Variants in BCKDHB observed in about 807,000 individuals in gnomAD.
BCKDHB encodes the protein branched chain keto acid dehydrogenase E1 subunit beta.
In BCKDHB, 41 loss-of-function variants were observed where a neutral mutation model predicts 48.5. The observed-to-expected ratio is 0.85, with a 90% CI of 0.66 to 1.10. BCKDHB has a LOEUF of 1.10. BCKDHB is among the 50% of genes least tolerant of loss of function. BCKDHB has a pLI of 0.00. For synonymous variants in BCKDHB, 201 were observed against 174.8 expected, an observed-to-expected ratio of 1.15 and a Z score of -1.18; for missense variants, 496 against 494.2, an observed-to-expected ratio of 1.00 and a Z score of -0.03.
chr6:80,393,287 C>G, the BCKDHB span, among the ~76,000 whole-genome samples: 1 of 152,138 alleles, frequency 6.6e-6, no homozygotes, highest in Non-Finnish European at 1.5e-5. Flanking sequence ...GTGACCTCTA[C>G]TATGATATGA....
At chr6:80,214,575 T>C (rs1775082267) in intron 8 of BCKDHB, among the ~76,000 whole-genome samples, 1 of 152,076 alleles carries the variant, frequency 6.6e-6, no homozygotes, top group Admixed American at 6.6e-5. Flanking sequence ...AGTTGAGGGG[T>C]TGGGATGGAA....
At chr6:80,193,656 A>T (rs1774004014) in intron 6 of BCKDHB, among the ~76,000 whole-genome samples, 1 of 148,100 alleles carries the variant, frequency 6.8e-6, no homozygotes, top group Non-Finnish European at 1.5e-5. Context: ...GGAGGTGGAG[A>T]TTGCAGTGAG....
chr6:80,171,423 A>G (rs372053978), intron 6 of BCKDHB, 33 bp downstream of exon 6: 61 of 1,297,194 alleles, frequency 4.7e-5, no homozygotes, highest in Non-Finnish European at 6.3e-5. Flanking sequence ...ATTTGTGAAT[A>G]TCTTTATATA....
intron 8 of BCKDHB, among the ~76,000 whole-genome samples, chr6:80,220,520 A>G (rs115652058): frequency 1.4e-5 from 2 of 144,296 alleles, no homozygotes; most frequent in African/African-American, 5.1e-5. Context: ...AGGCTTTTCC[A>G]CTATGGAAAA....
intron 9 of BCKDHB, among the ~76,000 whole-genome samples, chr6:80,295,398 G>A (rs989954645): frequency 6.6e-6 from 1 of 151,806 alleles, no homozygotes; most frequent in Non-Finnish European, 1.5e-5. Flanking sequence ...TGTGTACAGG[G>A]GATCTCCCCT....
intron 9 of BCKDHB, among the ~76,000 whole-genome samples, chr6:80,301,563 A>T (rs1767582205): frequency 1.3e-5 from 2 of 152,176 alleles, no homozygotes; most frequent in Admixed American, 1.3e-4. Flanking sequence ...TTCACAGTCA[A>T]ATTCTACCAG....
intron 8 of BCKDHB, among the ~76,000 whole-genome samples, chr6:80,269,558 A>G (rs1373448590): frequency 1.3e-5 from 2 of 152,050 alleles, no homozygotes; most frequent in Non-Finnish European, 2.9e-5. Flanking sequence ...TCCATCTGCC[A>G]TAGCCCGGAA....
intron 3 of BCKDHB, among the ~76,000 whole-genome samples, chr6:80,132,934 A>C (rs1006846975): frequency 5.9e-5 from 9 of 152,214 alleles, no homozygotes; most frequent in African/African-American, 2.2e-4. Context: ...ATTTTTAGCT[A>C]TACAGAAGCA....
intron 9 of BCKDHB, among the ~76,000 whole-genome samples, chr6:80,301,091 G>A (rs977277877): frequency 1.3e-5 from 2 of 151,354 alleles, no homozygotes; most frequent in African/African-American, 4.9e-5. Context: ...AAGTTAGAAA[G>A]GTTTCGAATT....
intron 3 of BCKDHB, among the ~76,000 whole-genome samples, chr6:80,150,298 A>T (rs1207938339): frequency 6.6e-6 from 1 of 152,092 alleles, no homozygotes; most frequent in East Asian, 1.9e-4. Context: ...CCATGTATTT[A>T]CTTATATATA....
At chr6:80,234,217 TG>T (rs1346078492) in intron 8 of BCKDHB, among the ~76,000 whole-genome samples, 1 of 152,198 alleles carries the variant, frequency 6.6e-6, no homozygotes, top group African/African-American at 2.4e-5. Context: ...GCCTGGGGGT[TG>T]GGGACCCCTG....
chr6:80,131,941 A>G (rs1006310184), intron 3 of BCKDHB, among the ~76,000 whole-genome samples: 3 of 152,094 alleles, frequency 2.0e-5, no homozygotes, highest in African/African-American at 4.8e-5. Flanking sequence ...GCGCCTGGCT[A>G]CCAAAGACTT....
the BCKDHB span, among the ~76,000 whole-genome samples, chr6:80,392,839 T>C: frequency 6.7e-6 from 1 of 148,410 alleles, no homozygotes; most frequent in Non-Finnish European, 1.5e-5. Context: ...TAATTCCCAC[T>C]CTCCAAAGGC....
At chr6:80,307,883 A>C in intron 9 of BCKDHB, 1 of 972,086 alleles carries the variant, frequency 1.0e-6, no homozygotes, top group Non-Finnish European at 1.2e-6. Context: ...CAAATAATTA[A>C]ATTAAAAACA....
the BCKDHB span, among the ~76,000 whole-genome samples, chr6:80,423,356 G>A: frequency 2.6e-5 from 4 of 152,204 alleles, no homozygotes. Context: ...ATAGCAGTGT[G>A]AAAACAGACT....
chr6:80,141,144 G>A (rs1287995582), intron 3 of BCKDHB, among the ~76,000 whole-genome samples: 1 of 151,964 alleles, frequency 6.6e-6, no homozygotes, highest in Non-Finnish European at 1.5e-5. Context: ...TGGGATCGGT[G>A]GTGATATCCC....
chr6:80,406,072 A>C, the BCKDHB span, among the ~76,000 whole-genome samples: 2 of 151,828 alleles, frequency 1.3e-5, no homozygotes, highest in South Asian at 4.2e-4. Context: ...GAGAACGTGC[A>C]GTGTTTTGTT....
At chr6:80,305,208 C>G (rs1291098992) in intron 9 of BCKDHB, among the ~76,000 whole-genome samples, 2 of 152,016 alleles carry the variant, frequency 1.3e-5, no homozygotes, top group Non-Finnish European at 2.9e-5. Flanking sequence ...TAAAAAACAT[C>G]AGTATCTATG....
intron 9 of BCKDHB, among the ~76,000 whole-genome samples, chr6:80,286,935 C>G (rs962230258): frequency 6.6e-6 from 1 of 152,054 alleles, no homozygotes; most frequent in Non-Finnish European, 1.5e-5. Context: ...GGTCATCTGT[C>G]TATCAAGTAG....
Sources: gnomAD v4.1 joint callset for allele counts (sites outside exome capture counted in the v4.1 genomes callset) on GRCh38, gnomAD v4.1.1 for gene constraint, MANE v1.5 for transcripts, NCBI Gene and HGNC (gene_info 2026-07-23, HGNC 2026-07-21) for gene names.